The following IKBKB-DT variants were observed in gnomAD, a reference collection of about 807,000 sequenced individuals.
IKBKB-DT encodes the protein IKBKB divergent transcript.
intron 3 of IKBKB-DT, chr8:42,248,955 G>A (rs1807096455): frequency 6.6e-6 from 1 of 151,924 alleles, no homozygotes; most frequent in Non-Finnish European, 1.5e-5. Context: ...ATTGCAAAAG[G>A]ACTCTGCTTC....
intron 3 of IKBKB-DT, among the ~76,000 whole-genome samples, chr8:42,257,678 A>G (rs1807224427): frequency 2.6e-5 from 4 of 152,150 alleles, no homozygotes; most frequent in Admixed American, 2.6e-4. Flanking sequence ...TCATGCCTAT[A>G]ATCCCAGCAC....
intron 3 of IKBKB-DT, among the ~76,000 whole-genome samples, chr8:42,239,099 G>A (rs1049231904): frequency 1.3e-5 from 2 of 152,104 alleles, no homozygotes; most frequent in African/African-American, 4.8e-5. Flanking sequence ...CTCCTCCCCT[G>A]TCAGAGTGGT....
intron 3 of IKBKB-DT, among the ~76,000 whole-genome samples, chr8:42,258,065 T>C (rs1249992533): frequency 6.6e-6 from 1 of 151,964 alleles, no homozygotes; most frequent in Non-Finnish European, 1.5e-5. Flanking sequence ...CCTCAGCAAA[T>C]TCTAGATTTC....
chr8:42,245,519 C>T (rs1234058773), intron 3 of IKBKB-DT, among the ~76,000 whole-genome samples: 4 of 152,176 alleles, frequency 2.6e-5, no homozygotes, highest in African/African-American at 4.8e-5. Flanking sequence ...AGCCTTTGAG[C>T]GGTGGAGAAT....
intron 3 of IKBKB-DT, among the ~76,000 whole-genome samples, chr8:42,261,483 A>G (rs894296390): frequency 3.9e-5 from 6 of 152,188 alleles, no homozygotes; most frequent in Non-Finnish European, 8.8e-5. Context: ...GCTCTAGATT[A>G]ACTGTCACCA....
At chr8:42,267,300 T>G (rs1332963197) in intron 1 of IKBKB-DT, among the ~76,000 whole-genome samples, 3 of 152,168 alleles carry the variant, frequency 2.0e-5, no homozygotes, top group Non-Finnish European at 4.4e-5. Context: ...GCCTGGCCCC[T>G]ACTTTCTTAA....
chr8:42,249,871 G>A (rs1807109133), intron 3 of IKBKB-DT, among the ~76,000 whole-genome samples: 1 of 151,946 alleles, frequency 6.6e-6, no homozygotes, highest in Non-Finnish European at 1.5e-5. Flanking sequence ...GAGCTCAGGA[G>A]TTCGAGACCA....
At chr8:42,260,385 G>T (rs902961650) in intron 3 of IKBKB-DT, among the ~76,000 whole-genome samples, 1 of 152,122 alleles carries the variant, frequency 6.6e-6, no homozygotes, top group Non-Finnish European at 1.5e-5. Context: ...GCCTTTCAAG[G>T]CCGGGCGCAG....
chr8:42,266,377 C>T (rs1807369839), exon 2 of IKBKB-DT: 1 of 152,214 alleles, frequency 6.6e-6, no homozygotes, highest in Non-Finnish European at 1.5e-5. Flanking sequence ...CTTGGAGGAG[C>T]TCAGTGCTGC....
chr8:42,268,464 T>A (rs1160559943), intron 1 of IKBKB-DT, among the ~76,000 whole-genome samples: 1 of 151,982 alleles, frequency 6.6e-6, no homozygotes, highest in Admixed American at 6.6e-5. Context: ...AGAGACGGGG[T>A]TTCACTATGT....
exon 4 of IKBKB-DT, chr8:42,233,819 C>G (rs1169808483): frequency 1.3e-5 from 2 of 151,926 alleles, no homozygotes; most frequent in Non-Finnish European, 1.5e-5. Flanking sequence ...CACAGGGAGT[C>G]GGAGCTGTCT....
intron 3 of IKBKB-DT, among the ~76,000 whole-genome samples, chr8:42,245,121 G>A (rs956443946): frequency 6.6e-6 from 1 of 152,176 alleles, no homozygotes; most frequent in East Asian, 1.9e-4. Context: ...CAGGCGTGGT[G>A]GCACGTGCCT....
At chr8:42,248,339 C>T (rs1379855260) in intron 3 of IKBKB-DT, among the ~76,000 whole-genome samples, 3 of 152,190 alleles carry the variant, frequency 2.0e-5, no homozygotes, top group South Asian at 2.1e-4. Context: ...GACCTGTCTT[C>T]GGCTCTTGGT....
At chr8:42,270,974 C>CG in exon 1 of IKBKB-DT, 1 of 215,712 alleles carries the variant, frequency 4.6e-6, no homozygotes, top group Non-Finnish European at 9.6e-6. Flanking sequence ...ATCATCCCAG[C>CG]GGGGGCGCGG....
intron 3 of IKBKB-DT, chr8:42,255,531 TAAAG>T (rs1205782799): frequency 1.3e-5 from 2 of 152,168 alleles, no homozygotes; most frequent in African/African-American, 4.8e-5. Flanking sequence ...GGCAACCACA[TAAAG>T]AAACCACATA....
chr8:42,249,099 T>G (rs1024586393), intron 3 of IKBKB-DT: 3 of 152,152 alleles, frequency 2.0e-5, no homozygotes, highest in African/African-American at 7.2e-5. Flanking sequence ...CCGGGTGCAG[T>G]AGCTCACACC....
chr8:42,257,803 T>A lies in IKBKB-DT; in HGVS notation n.1529+5526A>T, dbSNP rs1043992202. ...AATTTTCAAAGGACAATTTTTTTTT[T>A]AAAAGTCAAAAGACTAAATTTTTTG... On this transcript the variant is annotated intron_variant and non_coding_transcript_variant, in intron 3 of 3. Coordinates refer to ENST00000518213, the Ensembl canonical transcript of IKBKB-DT. Among the ~76,000 whole-genome samples the A allele has an allele frequency of 4.6e-5, 7 of 152,028 alleles. No homozygotes were observed. The South Asian group carries it at 6.2e-4, about 14-fold the overall frequency.
At chr8:42,271,004 A>T (rs1246453682) in exon 1 of IKBKB-DT, 1 of 209,514 alleles carries the variant, frequency 4.8e-6, no homozygotes, top group Admixed American at 5.9e-5. Flanking sequence ...CCGAGGTGAA[A>T]GCCTAGGGGG....
At chr8:42,268,573 AT>A (rs951678473) in intron 1 of IKBKB-DT, among the ~76,000 whole-genome samples, 27 of 130,080 alleles carry the variant, frequency 2.1e-4, no homozygotes, top group South Asian at 2.4e-4. Context: ...ACCCGGCCAA[AT>A]TTTTTTTTTT....
Sources: allele counts gnomAD v4.1 joint callset (sites outside exome capture counted in the v4.1 genomes callset), GRCh38; gene constraint gnomAD v4.1.1; transcripts MANE v1.5; gene names NCBI Gene and HGNC (gene_info 2026-07-23, HGNC 2026-07-21).